Variants in IGFN1 observed in about 807,000 individuals in gnomAD.
IGFN1 encodes immunoglobulin like and fibronectin type III domain containing 1, also known as immunoglobulin-like and fibronectin type III domain-containing protein 1.
IGFN1 carries 253 observed loss-of-function variants against 289.5 expected under a neutral mutation model. The ratio of observed to expected loss-of-function variants is 0.87; its 90% CI spans 0.79 to 0.97. IGFN1 has a LOEUF of 0.97. Ranked by LOEUF, IGFN1 falls within the 50% of genes least tolerant of loss-of-function variation. IGFN1 has a pLI of 0.00. For synonymous variants in IGFN1, 1,706 were observed against 1,788.5 expected, an observed-to-expected ratio of 0.95 and a Z score of 1.16; for missense variants, 4,470 against 4,686.1, an observed-to-expected ratio of 0.95 and a Z score of 1.35.
Position 201,197,291 on chromosome 1 carries a change from G to T in IGFN1, c.341G>T (p.Cys114Phe). The T allele has an allele frequency of 6.4e-7, 1 of 1,551,290 alleles. No homozygotes were observed. Among genetic ancestry groups the T allele is most frequent in the Non-Finnish European group, 8.7e-7 (1 of 1,146,666 alleles). ...GTAAATGCGTACGGAGAGGCCGCTT[G>T]CTCAGTGAGACTCACTGTCATCGAA... ...TAVNAYGEAA[C>F]SVRLTVIEVG... The change falls in exon 5 of 24, where the codon TGC (cysteine) becomes TTC (phenylalanine). Residue 114 changes from cysteine (C) to phenylalanine (F), a missense_variant. Physicochemically the swap from Cys to Phe is radical, Grantham distance 205. Coordinates refer to ENST00000335211, the MANE Select transcript of IGFN1 (RefSeq NM_001164586.2).
At chr1:201,220,182 T>TTCTC (rs3057870) in intron 18 of IGFN1, among the ~76,000 whole-genome samples, 4 of 141,840 alleles carry the variant, frequency 2.8e-5, no homozygotes, top group Admixed American at 1.4e-4. Flanking sequence ...ATCCCTTTCT[T>TTCTC]TCTCTCTCTC....
Position 201,219,378 on chromosome 1 carries a change from A to G in IGFN1, c.9898+720A>G, listed in dbSNP as rs374387207. Among the ~76,000 whole-genome samples the G allele has an allele frequency of 2.2e-4, 34 of 152,366 alleles. No individual in the cohort carries two copies. In the East Asian group the frequency reaches 6.0e-3, roughly 27 times the overall value. On this transcript the variant is annotated intron_variant, in intron 18 of 23. Coordinates refer to ENST00000335211, the MANE Select transcript of IGFN1 (RefSeq NM_001164586.2). Reference sequence around the variant, plus strand: ...ATCTGAGACCTGTGGTCTTGGGAACATGGAGTGTATTGAGAGATGCCAACA... The same window carrying G: ...ATCTGAGACCTGTGGTCTTGGGAACGTGGAGTGTATTGAGAGATGCCAACA...
intron 22 of IGFN1, 107 bp downstream of exon 22, chr1:201,226,230 G>T (rs1654090227): frequency 3.2e-6 from 4 of 1,265,160 alleles, no homozygotes; most frequent in Non-Finnish European, 4.2e-6. Flanking sequence ...ACTGTGGCAG[G>T]GATGGCCTGG....
At chr1:201,196,967 C>G in intron 4 of IGFN1, among the ~76,000 whole-genome samples, 1 of 151,856 alleles carries the variant, frequency 6.6e-6, no homozygotes, top group East Asian at 1.9e-4. Flanking sequence ...AGGCCCAGAT[C>G]CATCTGACCC....
At chr1:201,221,774 T>C (rs776874715) in intron 19 of IGFN1, 28 bp downstream of exon 19, 4 of 1,548,014 alleles carry the variant, frequency 2.6e-6, no homozygotes, top group Non-Finnish European at 3.5e-6. Context: ...CCCCGACCCC[T>C]GAGCCCTGCA....
intron 9 of IGFN1, among the ~76,000 whole-genome samples, chr1:201,202,930 T>A (rs1285162731): frequency 1.3e-5 from 2 of 151,996 alleles, no homozygotes; most frequent in Admixed American, 1.3e-4. Flanking sequence ...TAATTTTTTG[T>A]ATTTTCAGTA....
chr1:201,227,902 G>C (rs1189511567), intron 23 of IGFN1, among the ~76,000 whole-genome samples: 1 of 152,216 alleles, frequency 6.6e-6, no homozygotes, highest in Admixed American at 6.5e-5. Flanking sequence ...TGAACACTTA[G>C]TGCCTAGAAA....
intron 16 of IGFN1, 55 bp from the exon 17 acceptor site, chr1:201,217,232 A>G (rs1365374601): frequency 2.2e-5 from 34 of 1,545,460 alleles, no homozygotes; most frequent in Non-Finnish European, 2.8e-5. Flanking sequence ...GGGGCTCCCC[A>G]TGAGCCGGCA....
In IGFN1 at chr1:201,211,446, C is replaced by T. The variant is rs1180864306; in HGVS notation, c.6553C>T (p.Pro2185Ser). 2 of 1,497,770 alleles carry T rather than the reference C, an allele frequency of 1.3e-6. No individual in the cohort carries two copies. 92.8% of individuals were successfully genotyped at this position (1,497,770 alleles called of 1,614,324 possible). The change falls in exon 12 of 24, where the codon CCT becomes TCT. Residue 2185 changes from proline to serine, a missense_variant. This residue lies in a region of IGFN1 where 2,218 missense variants were observed against 2,114.1 expected (regional missense o/e 1.05). Transcript: ENST00000335211. ...AGGTTATAGGAAGGATTTGGGAGCT[C>T]CTGAGGGAATGGGTTCAGGGAGTAA... ...EAGYRKDLGA[P>S]EGMGSGSKAG...
intron 16 of IGFN1, among the ~76,000 whole-genome samples, 185 bp downstream of exon 16, chr1:201,216,938 G>C (rs1558155477): frequency 1.3e-5 from 2 of 152,118 alleles, no homozygotes; most frequent in Non-Finnish European, 2.9e-5. Context: ...AGATCAGGAA[G>C]TGTTTTACAG....
intron 3 of IGFN1, 21 bp from the exon 4 acceptor site, chr1:201,195,818 A>G (rs1200690326): frequency 1.3e-6 from 2 of 1,549,590 alleles, no homozygotes; most frequent in African/African-American, 1.4e-5. Context: ...CAGTCTCCCT[A>G]CTCGTCTCTT....
In IGFN1 at chr1:201,197,253, C is replaced by CCG; in HGVS notation, c.305_306dup (p.Cys103AlafsTer5). 6.4e-7 allele frequency: 1 copy of CCG among 1,551,454 alleles called. No homozygotes were observed. The highest frequency in any genetic ancestry group is 8.7e-7 in the Non-Finnish European group (1 of 1,146,746). On this transcript the variant is annotated frameshift_variant, in exon 5 of 24. Coordinates refer to ENST00000335211, the MANE Select transcript of IGFN1 (RefSeq NM_001164586.2). LOFTEE classifies it high-confidence loss of function. ...TGACAGGCGAGGACACGGATCTGTA[C>CCG]CGCTGCACAGCAGTAAATGCGTACG...
At chr1:201,194,556 G>A (rs1343102874) in intron 3 of IGFN1, among the ~76,000 whole-genome samples, 1 of 152,206 alleles carries the variant, frequency 6.6e-6, no homozygotes, top group African/African-American at 2.4e-5. Context: ...CTAAACTGGG[G>A]AGCAGGGAGA....
chr1:201,200,169 C>T, intron 7 of IGFN1, 68 bp from the exon 8 acceptor site: 1 of 1,364,694 alleles, frequency 7.3e-7, no homozygotes, highest in South Asian at 1.4e-5. Flanking sequence ...CTTGGGACAC[C>T]AGAGCCAGGT....
chr1:201,215,602 G>A lies in IGFN1; in HGVS notation c.9059G>A (p.Gly3020Glu). ...AGAGAGCCACTGGTGGTCAAGGCTG[G>A]GAAGCCGGTGATAGTGAAGATCCCC... Reference protein sequence around the residue: ...KLREPLVVKAGKPVIVKIPFQ... With the variant: ...KLREPLVVKAEKPVIVKIPFQ... The change falls in exon 15 of 24, where the codon GGG becomes GAG. Residue 3020 changes from glycine (G) to glutamate (E), a missense_variant. Coordinates refer to ENST00000335211, the MANE Select transcript of IGFN1 (RefSeq NM_001164586.2). 1 of 1,612,716 alleles carries A rather than the reference G, an allele frequency of 6.2e-7. No homozygotes were observed. The highest frequency in any genetic ancestry group is 8.5e-7 in the Non-Finnish European group (1 of 1,179,430).
At chr1:201,195,303 C>A (rs1403774550) in intron 3 of IGFN1, among the ~76,000 whole-genome samples, 2 of 152,160 alleles carry the variant, frequency 1.3e-5, no homozygotes, top group Non-Finnish European at 2.9e-5. Context: ...AGGCACATGC[C>A]ACCAAGCCTG....
chr1:201,211,206 G>C lies in IGFN1; in HGVS notation c.6313G>C (p.Gly2105Arg). ...AGAAATGGAGTCAATGGATGAGGCA[G>C]GTTATAGGAAGGATTTGGGGGCTCC... ...SEEMESMDEA[G>R]YRKDLGAPEG... The change falls in exon 12 of 24, where the codon GGT (glycine) becomes CGT (arginine). Residue 2105 changes from glycine to arginine, a missense_variant. Gly to Arg is a moderately radical substitution (Grantham distance 125, BLOSUM62 -2). Transcript: ENST00000335211. 1 of 1,533,600 alleles carries C rather than the reference G, an allele frequency of 6.5e-7. No homozygotes were observed. The highest frequency in any genetic ancestry group is 8.7e-7 in the Non-Finnish European group (1 of 1,145,278). The allele number at this position is 1,533,600 out of a possible 1,614,324, so 95.0% of individuals were successfully genotyped here. A position where few individuals can be genotyped will look rare whatever the true frequency, so the allele number is the denominator to read the frequency against.
At position 201,215,499 on chromosome 1, in the gene IGFN1, A is replaced by G. The variant is rs1360765613; in HGVS notation, c.8996-40A>G. ...TCCTTTCTATATTCCCCAGGTGCCC[A>G]GTGCCCTGGTCTTCCTTGACTCTCT... On this transcript the variant is annotated intron_variant, in intron 14 of 23. Coordinates refer to ENST00000335211, the MANE Select transcript of IGFN1 (RefSeq NM_001164586.2). 2.7e-6 allele frequency: 4 copies of G among 1,503,104 alleles called. No individual in the cohort carries two copies. The African/African-American group carries it at 4.2e-5, about 16-fold the overall frequency. The allele number at this position is 1,503,104 out of a possible 1,614,324, so 93.1% of individuals were successfully genotyped here. A position where few individuals can be genotyped will look rare whatever the true frequency, so the allele number is the denominator to read the frequency against.
At chr1:201,216,869 G>A (rs565886282) in intron 16 of IGFN1, 116 bp downstream of exon 16, 1 of 841,846 alleles carries the variant, frequency 1.2e-6, no homozygotes, top group East Asian at 2.6e-5. Context: ...GGGCTTCGGA[G>A]GCCCTTCTGT....
Sources: gnomAD v4.1 joint callset for allele counts (sites outside exome capture counted in the v4.1 genomes callset) on GRCh38, gnomAD v4.1.1 for gene constraint, gnomAD v4.1.1 regional missense constraint, MANE v1.5 for transcripts, NCBI Gene and HGNC (gene_info 2026-07-23, HGNC 2026-07-21) for gene names.